Variants in FNTA observed in about 807,000 individuals in gnomAD.
FNTA encodes the protein farnesyltransferase, CAAX box, subunit alpha.
Under a neutral mutation model 55.2 loss-of-function variants are expected in FNTA, and 27 were observed. The observed-to-expected ratio is 0.49, with a 90% CI of 0.36 to 0.67. The LOEUF (loss-of-function observed/expected upper bound fraction) is 0.67, where lower values mean the gene tolerates loss of function less well. FNTA is among the 30% of genes least tolerant of loss of function. The probability of loss-of-function intolerance (pLI) is 0.00; values close to 1 mark genes in which losing one functional copy is unlikely to be tolerated. For missense variants in FNTA, 422 were observed against 464.7 expected (o/e 0.91, Z 0.85); for synonymous variants, 176 against 170.7 (o/e 1.03, Z -0.24).
At chr8:43,083,471 A>C (rs956954089) in intron 7 of FNTA, among the ~76,000 whole-genome samples, 7 of 152,202 alleles carry the variant, frequency 4.6e-5, no homozygotes, top group South Asian at 2.1e-4. Context: ...GAACACACAC[A>C]CCCCCAGGCT....
rs536386393 is a variant in FNTA at position 43,061,023 on chromosome 8, G to T, written c.286+1846G>T. Among the ~76,000 whole-genome samples the T allele has an allele frequency of 3.3e-5, 5 of 152,294 alleles. No individual in the cohort carries two copies. In the East Asian group the frequency reaches 9.7e-4, roughly 29 times the overall value. The stretch of plus-strand genomic sequence containing the variant: ...AATCCTTTATCATTAAGAATGACAG[G>T]TTAAAATGAGAATTCCATTTTCCAC... On this transcript the variant is annotated intron_variant, in intron 2 of 8. Transcript: ENST00000302279.
In FNTA at chr8:43,064,159, AGCTTTTAAGCT is replaced by A; in HGVS notation, c.346_356del (p.Ala116AsnfsTer6). ...TGCAGCGTGATGAAAGAAGTGAACG[AGCTTTTAAGCT>A]AACCCGGGATGCTATTGAGTTAAAT... On this transcript the variant is annotated frameshift_variant, in exon 3 of 9. Coordinates refer to ENST00000302279, the MANE Select transcript of FNTA (RefSeq NM_002027.3). LOFTEE classifies it high-confidence loss of function. 6.2e-7 allele frequency: 1 copy of A among 1,614,166 alleles called. No homozygotes were observed. The highest frequency in any genetic ancestry group is 8.5e-7 in the Non-Finnish European group (1 of 1,180,000).
At chr8:43,059,232 G>A in intron 2 of FNTA, 55 bp downstream of exon 2, 1 of 1,245,038 alleles carries the variant, frequency 8.0e-7, no homozygotes, top group Non-Finnish European at 1.1e-6. Context: ...TAGCAGAATT[G>A]GAATTCACAA....
rs1211668947 is a variant in FNTA, at chr8:43,059,123, G to T, written c.232G>T (p.Val78Leu). The change falls in exon 2 of 9, where the codon GTG becomes TTG. Residue 78 changes from valine to leucine, a missense_variant. By Grantham distance (32) the Val-to-Leu change is conservative. This residue lies in a region of FNTA where 160 missense variants were observed against 121.6 expected (regional missense o/e 1.32). Coordinates refer to ENST00000302279, the MANE Select transcript of FNTA (RefSeq NM_002027.3). ...DRAEWADIDP[V>L]PQNDGPNPVV... ...AGCAGAATGGGCTGATATAGATCCG[G>T]TGCCGCAGAATGATGGCCCCAATCC... 3.1e-6 allele frequency: 5 copies of T among 1,613,592 alleles called. No individual in the cohort carries two copies. The highest frequency in any genetic ancestry group is 4.2e-6 in the Non-Finnish European group (5 of 1,179,950).
At chr8:43,075,166 TA>T (rs756325171) in intron 5 of FNTA, among the ~76,000 whole-genome samples, 3 of 152,196 alleles carry the variant, frequency 2.0e-5, no homozygotes, top group Non-Finnish European at 2.9e-5. Context: ...GTTACATTGA[TA>T]CAAAAGCTTG....
chr8:43,073,732 T>G (rs1380456184), intron 5 of FNTA: 2 of 152,150 alleles, frequency 1.3e-5, no homozygotes, highest in Non-Finnish European at 2.9e-5. Flanking sequence ...GGGACATTTT[T>G]GGTTGTCAGA....
chr8:43,083,980 C>T (rs892616076), intron 7 of FNTA, among the ~76,000 whole-genome samples: 1 of 151,726 alleles, frequency 6.6e-6, no homozygotes, highest in Non-Finnish European at 1.5e-5. Context: ...GGCTGAAGCA[C>T]GAGAGTTGCT....
intron 1 of FNTA, among the ~76,000 whole-genome samples, chr8:43,057,579 T>C (rs537190626): frequency 6.6e-6 from 1 of 152,198 alleles, no homozygotes; most frequent in Admixed American, 6.5e-5. Flanking sequence ...TATTTCTCCC[T>C]GTATAATGGA....
intron 5 of FNTA, among the ~76,000 whole-genome samples, chr8:43,075,712 G>T (rs1810894770): frequency 6.6e-6 from 1 of 152,100 alleles, no homozygotes; most frequent in Admixed American, 6.5e-5. Flanking sequence ...GCTACTTGAG[G>T]AGCTGAGGCA....
rs766591133 is a variant in FNTA, at chr8:43,064,139, C to T, written c.325C>T (p.Arg109Cys). ...TGATTACTTCCGAGCTGTCCTGCAG[C>T]GTGATGAAAGAAGTGAACGAGCTTT... ...VYDYFRAVLQRDERSERAFKL... is the reference protein window; with the variant it reads ...VYDYFRAVLQCDERSERAFKL... Residue 109 changes from arginine to cysteine, a missense_variant, in exon 3 of 9, where the codon CGT becomes TGT. By Grantham distance (180) the Arg-to-Cys change is radical. This residue lies in a region of FNTA where 262 missense variants were observed against 343.1 expected (regional missense o/e 0.76). Transcript: ENST00000302279. 2.5e-6 allele frequency: 4 copies of T among 1,613,818 alleles called. No individual in the cohort carries two copies. The Admixed American group carries it at 6.7e-5, about 27-fold the overall frequency.
chr8:43,056,603 A>G (rs1810408175), intron 1 of FNTA, 57 bp downstream of exon 1: 7 of 1,150,138 alleles, frequency 6.1e-6, no homozygotes, highest in Non-Finnish European at 7.8e-6. Context: ...CAGCGGCCCC[A>G]AGACCCGCGG....
chr8:43,084,847 A>G lies in FNTA; in HGVS notation c.983A>G (p.Asp328Gly). The G allele has an allele frequency of 6.2e-7, 1 of 1,613,816 alleles. No homozygotes were observed. Among genetic ancestry groups the G allele is most frequent in the South Asian group, 1.1e-5 (1 of 91,022 alleles). The change falls in exon 8 of 9, where the codon GAC (aspartate) becomes GGC (glycine). Residue 328 changes from aspartate (D) to glycine (G), a missense_variant. Physicochemically the swap from Asp to Gly is moderately conservative, Grantham distance 94 (BLOSUM62 -1). Transcript: ENST00000302279. ...GAAGACATGCTAGAAAATCAGTGTGACAATAAGGAAGACATTCTTAATAAA... is the reference window on the plus strand; with the variant it reads ...GAAGACATGCTAGAAAATCAGTGTGGCAATAAGGAAGACATTCTTAATAAA... ...IYEDMLENQCDNKEDILNKAL... is the reference protein window; with the variant it reads ...IYEDMLENQCGNKEDILNKAL...
intron 5 of FNTA, among the ~76,000 whole-genome samples, chr8:43,073,248 T>C (rs1258268382): frequency 6.6e-6 from 1 of 152,206 alleles, no homozygotes. Context: ...TCTGAAAAAC[T>C]TAATCACATA....
intron 4 of FNTA, among the ~76,000 whole-genome samples, chr8:43,071,673 A>G (rs929943784): frequency 1.3e-5 from 2 of 151,068 alleles, no homozygotes; most frequent in South Asian, 2.1e-4. Flanking sequence ...CAGCCTGGGG[A>G]ACAAGAGCGA....
chr8:43,071,932 T>C (rs1586658061), intron 4 of FNTA, among the ~76,000 whole-genome samples: 1 of 152,258 alleles, frequency 6.6e-6, no homozygotes, highest in East Asian at 1.9e-4. Flanking sequence ...AATCTAGTAA[T>C]GTTTCTTAAT....
chr8:43,068,897 A>G (rs1461291041), intron 3 of FNTA, among the ~76,000 whole-genome samples: 1 of 151,990 alleles, frequency 6.6e-6, no homozygotes, highest in Non-Finnish European at 1.5e-5. Context: ...TTTTTAGTAG[A>G]GATGGGGTTT....
chr8:43,057,563 C>T (rs548349149), intron 1 of FNTA, among the ~76,000 whole-genome samples: 142 of 152,272 alleles, frequency 9.3e-4, no homozygotes, highest in African/African-American at 3.3e-3. Context: ...GTCATGATTT[C>T]ACTTGTATTT....
chr8:43,068,761 G>A (rs1315664710), intron 3 of FNTA, among the ~76,000 whole-genome samples: 2 of 152,152 alleles, frequency 1.3e-5, no homozygotes, highest in African/African-American at 4.8e-5. Context: ...TGCCCAGTCT[G>A]GAGTGCAATG....
At chr8:43,080,303 C>A (rs1237391360) in intron 6 of FNTA, 1 of 152,292 alleles carries the variant, frequency 6.6e-6, no homozygotes, top group African/African-American at 2.4e-5. Flanking sequence ...TCTCATCCTT[C>A]AGCACCCAGC....
Sources: allele counts gnomAD v4.1 joint callset (sites outside exome capture counted in the v4.1 genomes callset), GRCh38; gene constraint gnomAD v4.1.1; regional missense constraint gnomAD v4.1.1; transcripts MANE v1.5; gene names NCBI Gene and HGNC (gene_info 2026-07-23, HGNC 2026-07-21).